The following DPP10 variants were observed in gnomAD, a reference collection of about 807,000 sequenced individuals.
DPP10 encodes the protein dipeptidyl peptidase like 10, also known as inactive dipeptidyl peptidase 10.
In DPP10, 33 loss-of-function variants were observed where a neutral mutation model predicts 120.9. That is an observed-to-expected ratio of 0.27 (90% CI 0.21 to 0.37). The LOEUF (loss-of-function observed/expected upper bound fraction) is 0.37, where lower values mean the gene tolerates loss of function less well. DPP10 is among the 10% of genes least tolerant of loss of function. The pLI is 1.00. For synonymous variants in DPP10, 337 were observed against 326.1 expected (o/e 1.03, Z -0.36); for missense variants, 816 against 942.8 (o/e 0.87, Z 1.76).
In DPP10 at chr2:114,950,994, C is replaced by G. The variant is rs114871801; in HGVS notation, c.61-358245C>G. Reference sequence around the variant, plus strand: ...GCAAGATACAGCGCTACAATGAAATCTAATTGTTATTCACTATTGCACTGG... The same window carrying G: ...GCAAGATACAGCGCTACAATGAAATGTAATTGTTATTCACTATTGCACTGG... On this transcript the variant is annotated intron_variant, in intron 1 of 25. Transcript: ENST00000410059. Among the ~76,000 whole-genome samples the G allele has an allele frequency of 2.3e-3, 345 of 152,214 alleles. 1 individual carries two copies. Among genetic ancestry groups the G allele is most frequent in the African/African-American group, 8.0e-3 (331 of 41,528 alleles).
In DPP10 at chr2:114,866,320, G is replaced by A. The variant is rs1228863136; in HGVS notation, c.60+423482G>A. Reference sequence around the variant, plus strand: ...TATTGAGATCTTGAGCTAGGCCTTTGCTTTTTATTTGCATTGTTATCTAAT... The same window carrying A: ...TATTGAGATCTTGAGCTAGGCCTTTACTTTTTATTTGCATTGTTATCTAAT... On this transcript the variant is annotated intron_variant, in intron 1 of 25. Transcript: ENST00000410059. Among the ~76,000 whole-genome samples the A allele has an allele frequency of 2.0e-5, 3 of 151,822 alleles. No homozygotes were observed. In the East Asian group the frequency reaches 5.8e-4, roughly 29 times the overall value.
chr2:115,391,805 T>G (rs941190738), intron 3 of DPP10, among the ~76,000 whole-genome samples: 1 of 152,108 alleles, frequency 6.6e-6, no homozygotes, highest in Non-Finnish European at 1.5e-5. Context: ...CAAGATGAGT[T>G]GTGGGGGTGG....
At chr2:114,779,455 G>A (rs1208881635) in intron 1 of DPP10, among the ~76,000 whole-genome samples, 1 of 151,976 alleles carries the variant, frequency 6.6e-6, no homozygotes, top group African/African-American at 2.4e-5. Context: ...TCATATCTAG[G>A]GTAGCAGAGG....
chr2:114,901,039 G>A (rs868655109), intron 1 of DPP10, among the ~76,000 whole-genome samples: 118 of 152,240 alleles, frequency 7.8e-4, no homozygotes, highest in African/African-American at 2.8e-3. Flanking sequence ...AGAAAAACAT[G>A]AATTGTGCTA....
intron 1 of DPP10, among the ~76,000 whole-genome samples, chr2:114,550,355 A>T (rs1225898762): frequency 2.0e-5 from 3 of 152,230 alleles, no homozygotes; most frequent in Non-Finnish European, 4.4e-5. Context: ...CAAATGTTAG[A>T]TCATTTACTC....
Position 115,607,162 on chromosome 2 carries a change from C to T in DPP10, c.441+81190C>T, listed in dbSNP as rs373272215. Among the ~76,000 whole-genome samples, 12 of 152,140 alleles carry T rather than the reference C, an allele frequency of 7.9e-5. No individual in the cohort carries two copies. In the East Asian group the frequency reaches 1.5e-3, roughly 20 times the overall value. ...CTTATGACTTTGTACGAATCCCTTA[C>T]GCTGTCTTAATAACTTGGATACTGA... On this transcript the variant is annotated intron_variant, in intron 5 of 25. Coordinates refer to ENST00000410059, the MANE Select transcript of DPP10 (RefSeq NM_020868.6).
chr2:115,084,543 T>C (rs1439490401), intron 1 of DPP10, among the ~76,000 whole-genome samples: 4 of 152,210 alleles, frequency 2.6e-5, no homozygotes, highest in Admixed American at 1.3e-4. Flanking sequence ...AGCTTGAATT[T>C]CCTGGGCAAG....
intron 1 of DPP10, among the ~76,000 whole-genome samples, chr2:115,280,790 G>A (rs778578610): frequency 2.5e-4 from 38 of 152,262 alleles, no homozygotes; most frequent in Non-Finnish European, 5.3e-4. Context: ...AGTTACCTAA[G>A]AAGGGTCATA....
At chr2:115,252,614 T>C (rs564150108) in intron 1 of DPP10, among the ~76,000 whole-genome samples, 1 of 152,338 alleles carries the variant, frequency 6.6e-6, no homozygotes, top group South Asian at 2.1e-4. Flanking sequence ...ACAGAGTCTA[T>C]AGGAGCGGAA....
chr2:115,685,336 G>A (rs192398144), intron 5 of DPP10, among the ~76,000 whole-genome samples: 3 of 151,836 alleles, frequency 2.0e-5, no homozygotes, highest in East Asian at 1.9e-4. Context: ...TTTCTATGAC[G>A]TACTCATAAA....
chr2:115,146,165 C>G (rs964098620), intron 1 of DPP10, among the ~76,000 whole-genome samples: 1 of 152,100 alleles, frequency 6.6e-6, no homozygotes, highest in African/African-American at 2.4e-5. Context: ...CATCTTTTAA[C>G]CACTACATAC....
intron 1 of DPP10, among the ~76,000 whole-genome samples, chr2:114,481,326 T>C (rs1040134575): frequency 6.6e-6 from 1 of 152,114 alleles, no homozygotes; most frequent in East Asian, 1.9e-4. Context: ...ATCTTTAACA[T>C]CATTAGCTAT....
rs187564236 is a variant in DPP10, at chr2:114,884,971, C to G, written c.61-424268C>G. Among the ~76,000 whole-genome samples the G allele has an allele frequency of 5.3e-5, 8 of 152,284 alleles. No individual in the cohort carries two copies. The East Asian group carries it at 1.4e-3, about 26-fold the overall frequency. On this transcript the variant is annotated intron_variant, in intron 1 of 25. Transcript: ENST00000410059. ...AGGATGAAGTAACAATGTTGACAAG[C>G]CTTTGTCAAACCAGAGCTACTGCTA... is the stretch of plus-strand genomic sequence containing the variant.
chr2:114,815,617 G>A (rs1414583793), intron 1 of DPP10, among the ~76,000 whole-genome samples: 1 of 152,180 alleles, frequency 6.6e-6, no homozygotes, highest in African/African-American at 2.4e-5. Flanking sequence ...CTGCCTAATG[G>A]TTGACCTTCT....
At chr2:114,443,699 GAAA>G (rs5833543) in intron 1 of DPP10, among the ~76,000 whole-genome samples, 1 of 138,700 alleles carries the variant, frequency 7.2e-6, no homozygotes, top group Non-Finnish European at 1.6e-5. Flanking sequence ...ACTCTTTTAT[GAAA>G]AAAAAAAAAA....
intron 19 of DPP10, among the ~76,000 whole-genome samples, chr2:115,808,848 T>C (rs993795353): frequency 1.3e-5 from 2 of 152,224 alleles, no homozygotes; most frequent in African/African-American, 2.4e-5. Flanking sequence ...TTATACATTA[T>C]CAGGTAGCCT....
chr2:114,683,140 G>A (rs1173855343), intron 1 of DPP10, among the ~76,000 whole-genome samples: 6 of 151,908 alleles, frequency 3.9e-5, no homozygotes, highest in African/African-American at 1.4e-4. Flanking sequence ...ATACCTTATC[G>A]AGGTACAATA....
At position 114,834,754 on chromosome 2, in the gene DPP10, C is replaced by A. The variant is rs1030297003; in HGVS notation, c.60+391916C>A. ...GTCTACGCACCTATGTATATATAAG[C>A]CATGTCTACGCACCTATGTATATAT... On this transcript the variant is annotated intron_variant, in intron 1 of 25. Coordinates refer to ENST00000410059, the MANE Select transcript of DPP10 (RefSeq NM_020868.6). Among the ~76,000 whole-genome samples the A allele has an allele frequency of 3.7e-5, 5 of 136,828 alleles. 2 individuals are homozygous for A. Among genetic ancestry groups the A allele is most frequent in the Non-Finnish European group, 8.0e-5 (5 of 62,204 alleles). 89.8% of individuals were successfully genotyped at this position (136,828 alleles called of 152,430 possible).
At chr2:114,899,074 T>C (rs1367286976) in intron 1 of DPP10, among the ~76,000 whole-genome samples, 1 of 151,960 alleles carries the variant, frequency 6.6e-6, no homozygotes, top group Admixed American at 6.6e-5. Flanking sequence ...GTTTTTTTTT[T>C]CTTTCCAAGT....
Sources: allele counts gnomAD v4.1 joint callset (sites outside exome capture counted in the v4.1 genomes callset), GRCh38; gene constraint gnomAD v4.1.1; transcripts MANE v1.5; gene names NCBI Gene and HGNC (gene_info 2026-07-23, HGNC 2026-07-21).